ALG6: variants seen among roughly 807,000 people sequenced by gnomAD.
The protein encoded by ALG6 is dolichyl pyrophosphate Man9GlcNAc2 alpha-1,3-glucosyltransferase.
ALG6 carries 46 observed loss-of-function variants against 66.6 expected under a neutral mutation model. That is an observed-to-expected ratio of 0.69 (90% CI 0.55 to 0.88). The LOEUF is 0.88. ALG6 is among the 40% of genes least tolerant of loss of function. The pLI, the probability that ALG6 is intolerant of heterozygous loss-of-function variation, is 0.00. For missense variants in ALG6, 505 were observed against 586.8 expected, an observed-to-expected ratio of 0.86 and a Z score of 1.44; for synonymous variants, 185 against 203.7, an observed-to-expected ratio of 0.91 and a Z score of 0.78.
At chr1:63,383,377 C>A (rs750696220) in intron 2 of ALG6, among the ~76,000 whole-genome samples, 10 of 152,020 alleles carry the variant, frequency 6.6e-5, no homozygotes, top group Non-Finnish European at 1.2e-4. Flanking sequence ...CTTGGCCTCC[C>A]AAAGTGCTAG....
chr1:63,404,147 A>G (rs1012554114), intron 4 of ALG6, among the ~76,000 whole-genome samples: 1 of 152,212 alleles, frequency 6.6e-6, no homozygotes, highest in East Asian at 1.9e-4. Context: ...CTTTTTATAA[A>G]GTATGTGTTT....
intron 7 of ALG6, among the ~76,000 whole-genome samples, chr1:63,408,902 C>A (rs1644502991): frequency 6.6e-6 from 1 of 152,188 alleles, no homozygotes; most frequent in African/African-American, 2.4e-5. Flanking sequence ...GCCTCAGCCT[C>A]CTAAGTAGCT....
intron 10 of ALG6, 56 bp from the exon 11 acceptor site, chr1:63,415,817 G>A (rs879027553): frequency 2.7e-6 from 3 of 1,102,948 alleles, no homozygotes; most frequent in South Asian, 2.9e-5. Flanking sequence ...CCTTATTTAA[G>A]CTAGATTTAT....
At position 63,438,157 on chromosome 1, in the gene ALG6, G is replaced by A. The variant is rs886046478; in HGVS notation, c.*1137G>A. 4 of 148,124 alleles carry A rather than the reference G, an allele frequency of 2.7e-5. No individual in the cohort carries two copies. The highest frequency in any genetic ancestry group is 5.9e-5 in the Non-Finnish European group (4 of 67,472). The allele number at this position is 148,124 out of a possible 1,614,324, so 9.2% of individuals were successfully genotyped here. A position where few individuals can be genotyped will look rare whatever the true frequency, so the allele number is the denominator to read the frequency against. On this transcript the variant is annotated 3_prime_UTR_variant, in exon 15 of 15. Transcript: ENST00000263440. ...ACAAAAAAAAACTGGTTCTAGACAC[G>A]GACAGTCACAGGCTGATATAAGAAG... is the stretch of plus-strand genomic sequence containing the variant.
chr1:63,399,989 G>A (rs1644438003), intron 3 of ALG6, among the ~76,000 whole-genome samples: 1 of 151,160 alleles, frequency 6.6e-6, no homozygotes, highest in Non-Finnish European at 1.5e-5. Context: ...GAGGTCAGGA[G>A]TTCGAGACCA....
chr1:63,395,846 C>T (rs1648809247), intron 2 of ALG6, among the ~76,000 whole-genome samples: 1 of 152,138 alleles, frequency 6.6e-6, no homozygotes, highest in Non-Finnish European at 1.5e-5. Context: ...GATTCTATAT[C>T]TGTGGATTCA....
intron 2 of ALG6, among the ~76,000 whole-genome samples, chr1:63,382,358 C>T (rs1053897478): frequency 1.3e-5 from 2 of 151,922 alleles, no homozygotes; most frequent in Admixed American, 6.6e-5. Context: ...TGAGCCACCA[C>T]GCCCAGCTAA....
intron 12 of ALG6, among the ~76,000 whole-genome samples, chr1:63,425,801 TATA>T (rs1644612204): frequency 6.6e-6 from 1 of 152,074 alleles, no homozygotes; most frequent in African/African-American, 2.4e-5. Flanking sequence ...TGGGAGTGAT[TATA>T]ATGATTGACC....
intron 7 of ALG6, among the ~76,000 whole-genome samples, chr1:63,410,146 T>A (rs1644509361): frequency 6.6e-6 from 1 of 152,216 alleles, no homozygotes. Context: ...CTCTAAGCTG[T>A]GGCTTCCTTC....
rs190343520 is a variant in ALG6, at chr1:63,421,330, T to G, written c.1058+1890T>G. On this transcript the variant is annotated intron_variant, in intron 12 of 14. Transcript: ENST00000263440. ...TAAAAAGTCAGGAAACAACAGATAC[T>G]GGAGAGTTTGTGGAGAAATAGGAAT... is the stretch of plus-strand genomic sequence containing the variant. Among the ~76,000 whole-genome samples the G allele has an allele frequency of 3.8e-3, 585 of 152,218 alleles. 3 individuals carry two copies. The highest frequency in any genetic ancestry group is 0.013 in the African/African-American group (535 of 41,530).
At chr1:63,393,410 A>T (rs1648729325) in intron 2 of ALG6, among the ~76,000 whole-genome samples, 2 of 152,230 alleles carry the variant, frequency 1.3e-5, no homozygotes, top group Non-Finnish European at 2.9e-5. Flanking sequence ...TGCCTATGGG[A>T]TATAAAATTC....
At chr1:63,379,179 C>CT (rs1458613367) in intron 2 of ALG6, among the ~76,000 whole-genome samples, 2 of 152,018 alleles carry the variant, frequency 1.3e-5, no homozygotes, top group Admixed American at 6.6e-5. Context: ...TAATTTGGAA[C>CT]TTTTATCTGT....
chr1:63,420,786 A>G lies in ALG6; in HGVS notation c.1058+1346A>G, dbSNP rs562687635. On this transcript the variant is annotated intron_variant, in intron 12 of 14. Coordinates refer to ENST00000263440, the MANE Select transcript of ALG6 (RefSeq NM_013339.4). Reference sequence around the variant, plus strand: ...TGAGGCAGGAGAATTGCTTGAACCCAGGAGGTGGAGGTTGCAGTGAGCTGA... The same window carrying G: ...TGAGGCAGGAGAATTGCTTGAACCCGGGAGGTGGAGGTTGCAGTGAGCTGA... 3.6e-4 allele frequency among the ~76,000 whole-genome samples: 55 copies of G among 151,382 alleles called. No individual in the cohort carries two copies. The East Asian group carries it at 9.7e-3, about 27-fold the overall frequency.
At chr1:63,402,154 A>C (rs1233497147) in intron 3 of ALG6, 100 bp from the exon 4 acceptor site, 1 of 788,074 alleles carries the variant, frequency 1.3e-6, no homozygotes, top group Non-Finnish European at 2.2e-6. Context: ...AGTAAATTAC[A>C]TTATTAAGCT....
At chr1:63,390,110 A>C (rs1648623670) in intron 2 of ALG6, among the ~76,000 whole-genome samples, 1 of 152,190 alleles carries the variant, frequency 6.6e-6, no homozygotes, top group Non-Finnish European at 1.5e-5. Context: ...CTCAAGGCCC[A>C]AGGGTTCTTC....
At chr1:63,379,708 A>G (rs1648243469) in intron 2 of ALG6, among the ~76,000 whole-genome samples, 1 of 150,914 alleles carries the variant, frequency 6.6e-6, no homozygotes, top group African/African-American at 2.4e-5. Flanking sequence ...TTATATATTT[A>G]TAAAAGTAGG....
intron 4 of ALG6, among the ~76,000 whole-genome samples, chr1:63,402,920 C>A (rs1355132254): frequency 2.0e-5 from 3 of 150,778 alleles, no homozygotes; most frequent in Non-Finnish European, 4.4e-5. Flanking sequence ...CATGGTGAAA[C>A]CCCATCTCTA....
intron 2 of ALG6, among the ~76,000 whole-genome samples, chr1:63,378,136 G>T (rs577622365): frequency 6.6e-6 from 1 of 152,228 alleles, no homozygotes; most frequent in East Asian, 1.9e-4. Context: ...TCTTCCTGAA[G>T]TACACCTTTG....
intron 14 of ALG6, among the ~76,000 whole-genome samples, chr1:63,434,042 T>C (rs772257811): frequency 3.9e-5 from 6 of 152,114 alleles, no homozygotes; most frequent in Non-Finnish European, 8.8e-5. Flanking sequence ...GTCATAGTGA[T>C]TGGAGCTGGG....
Sources: gnomAD v4.1 joint callset for allele counts (sites outside exome capture counted in the v4.1 genomes callset) on GRCh38, gnomAD v4.1.1 for gene constraint, MANE v1.5 for transcripts, NCBI Gene and HGNC (gene_info 2026-07-23, HGNC 2026-07-21) for gene names.